TTN: variants seen among roughly 807,000 people sequenced by gnomAD.
The protein encoded by TTN is titin.
TTN carries 1,525 observed loss-of-function variants against 3,223.0 expected under a neutral mutation model. The ratio of observed to expected loss-of-function variants is 0.47; its 90% CI spans 0.45 to 0.49. The LOEUF is 0.49. TTN is among the 20% of genes least tolerant of loss of function. The probability of loss-of-function intolerance (pLI) is 0.00; values close to 1 mark genes in which losing one functional copy is unlikely to be tolerated. For missense variants in TTN, 40,786 were observed against 43,424.0 expected (o/e 0.94, Z 5.40); for synonymous variants, 14,094 against 15,161.0 (o/e 0.93, Z 5.17).
chr2:178,751,565 C>T (rs756398618), intron 47 of TTN: 3 of 1,613,208 alleles, frequency 1.9e-6, no homozygotes, highest in Non-Finnish European at 2.5e-6. Flanking sequence ...CCGTTCTGCT[C>T]TTTTCAGAAA....
chr2:178,805,547 G>A (rs1323748126), intron 1 of TTN, among the ~76,000 whole-genome samples: 1 of 152,026 alleles, frequency 6.6e-6, no homozygotes, highest in Non-Finnish European at 1.5e-5. Context: ...TTCCTGACTG[G>A]AGAAGCTTTG....
intron 62 of TTN, 72 bp downstream of exon 62, chr2:178,730,021 T>TCCCCCCCCCCCCCCCCCC: frequency 1.9e-6 from 3 of 1,558,064 alleles, no homozygotes; most frequent in Non-Finnish European, 2.6e-6. Context: ...GTCTTAAGCG[T>TCCCCCCCCCCCCCCCCCC]CCCCCGCCCC....
In TTN at chr2:178,734,993, A is replaced by T; in HGVS notation, c.14936-5T>A. On this transcript the variant is annotated splice_polypyrimidine_tract_variant and splice_region_variant and intron_variant, in intron 50 of 362. Transcript: ENST00000589042. ...TCTTCACGAAGGATGGTGGCTCTAC[A>T]TGAAGTTTACAAAAAAGAAAAAGGA... is the stretch of plus-strand genomic sequence containing the variant. The T allele has an allele frequency of 6.5e-7, 1 of 1,541,236 alleles. No individual in the cohort carries two copies. The highest frequency in any genetic ancestry group is 2.3e-5 in the East Asian group (1 of 42,730).
chr2:178,661,012 A>G (rs2064665570), intron 180 of TTN, among the ~76,000 whole-genome samples: 1 of 99,450 alleles, frequency 1.0e-5, no homozygotes, highest in African/African-American at 4.0e-5. Flanking sequence ...GATCATTAAA[A>G]AGTCAGGAAA....
In TTN at chr2:178,634,936, T is replaced by C. The variant is rs2060246230; in HGVS notation, c.42025-87A>G. 1 of 1,455,678 alleles carries C rather than the reference T, an allele frequency of 6.9e-7. No individual in the cohort carries two copies. Among genetic ancestry groups the C allele is most frequent in the Non-Finnish European group, 9.1e-7 (1 of 1,095,780 alleles). 90.2% of individuals were successfully genotyped at this position (1,455,678 alleles called of 1,614,324 possible). ...TCAGATACAAATTTCTATAGAGTTT[T>C]AAAAATTACTACTAATAAAAGTAAG... is the stretch of plus-strand genomic sequence containing the variant. On this transcript the variant is annotated intron_variant, in intron 228 of 362. Coordinates refer to ENST00000589042, the MANE Select transcript of TTN (RefSeq NM_001267550.2). The surrounding 1 kb of genome is among the most constrained non-coding windows in gnomAD (Gnocchi z 4.6).
chr2:178,689,972 C>T (rs561443935), intron 121 of TTN, 76 bp from the exon 122 acceptor site: 1 of 1,222,862 alleles, frequency 8.2e-7, no homozygotes, highest in East Asian at 2.3e-5. Context: ...ATGCACAAAT[C>T]TTTATGTAGT....
chr2:178,732,497 A>T lies in TTN; in HGVS notation c.16564T>A (p.Cys5522Ser). The change falls in exon 56 of 363, where the codon TGT (cysteine) becomes AGT (serine). Residue 5522 changes from cysteine (C) to serine (S), a missense_variant. Transcript: ENST00000589042. ...VKTSDSGTYT[C>S]KVSNVAGGVE... ...CCTCCAGCGACATTGCTGACTTTAC[A>T]TGTGTACGTGCCCGAATCAGAGGTT... 1.2e-6 allele frequency: 2 copies of T among 1,613,652 alleles called. No homozygotes were observed. Among genetic ancestry groups the T allele is most frequent in the Non-Finnish European group, 1.7e-6 (2 of 1,179,702 alleles).
At chr2:178,750,201 T>C (rs1251435779) in intron 47 of TTN, 1 of 1,613,066 alleles carries the variant, frequency 6.2e-7, no homozygotes, top group Non-Finnish European at 8.5e-7. Context: ...TGGGCGCCTT[T>C]TGCTTGGTCA....
rs1423101942 is a variant in TTN at position 178,766,367 on chromosome 2, C to A, written c.9703+14G>T. The A allele has an allele frequency of 1.3e-6, 2 of 1,579,134 alleles. No individual in the cohort carries two copies. The highest frequency in any genetic ancestry group is 2.7e-5 in the African/African-American group (2 of 74,194). On this transcript the variant is annotated intron_variant, in intron 41 of 362. Coordinates refer to ENST00000589042, the MANE Select transcript of TTN (RefSeq NM_001267550.2). ...ATGGATCCACAAAATATGCTGAAAT[C>A]TGTCCCTACATACCATTGACATAGA... is the stretch of plus-strand genomic sequence containing the variant.
chr2:178,746,803 T>C (rs1326775331), intron 47 of TTN: 1 of 1,613,332 alleles, frequency 6.2e-7, no homozygotes, highest in African/African-American at 1.3e-5. Context: ...TGAAGCCTAG[T>C]GTTGTGTTTT....
At chr2:178,713,456 G>C in intron 92 of TTN, 84 bp from the exon 93 acceptor site, 5 of 1,438,884 alleles carry the variant, frequency 3.5e-6, no homozygotes. Context: ...AGAGAGAACT[G>C]TCTTTTTGAT....
chr2:178,786,174 G>T (rs570408726), intron 13 of TTN, 33 bp from the exon 14 acceptor site: 1 of 1,609,220 alleles, frequency 6.2e-7, no homozygotes, highest in East Asian at 2.2e-5. Flanking sequence ...TAATACATAG[G>T]AATATCGAGA....
At chr2:178,695,805 T>C in intron 114 of TTN, 60 bp downstream of exon 114, 1 of 1,307,914 alleles carries the variant, frequency 7.6e-7, no homozygotes, top group African/African-American at 1.5e-5. Flanking sequence ...GCATTGAAAA[T>C]TTAATGAACT....
intron 250 of TTN, 142 bp from the exon 251 acceptor site, chr2:178,618,995 T>C: frequency 8.8e-7 from 1 of 1,139,790 alleles, no homozygotes; most frequent in Non-Finnish European, 1.2e-6. Context: ...GAAAACTAAG[T>C]GGCTTAGAGT....
intron 47 of TTN, chr2:178,749,169 G>A (rs1422883786): frequency 1.2e-6 from 2 of 1,611,722 alleles, no homozygotes; most frequent in South Asian, 1.1e-5. Flanking sequence ...GCACATTCTT[G>A]TACATTTTCC....
At chr2:178,761,211 T>G (rs1254731263) in intron 43 of TTN, among the ~76,000 whole-genome samples, 1 of 152,136 alleles carries the variant, frequency 6.6e-6, no homozygotes, top group Non-Finnish European at 1.5e-5. Flanking sequence ...AGGCCTATTG[T>G]AATAATCTCT....
At position 178,558,415 on chromosome 2, in the gene TTN, A is replaced by G; in HGVS notation, c.87044T>C (p.Val29015Ala). 6.2e-7 allele frequency: 1 copy of G among 1,613,774 alleles called. No individual in the cohort carries two copies. Among genetic ancestry groups the G allele is most frequent in the South Asian group, 1.1e-5 (1 of 91,072 alleles). The change falls in exon 327 of 363, where the codon GTG becomes GCG. Residue 29015 changes from valine to alanine, a missense_variant. By Grantham distance (64) the Val-to-Ala change is moderately conservative (BLOSUM62 0). Coordinates refer to ENST00000589042, the MANE Select transcript of TTN (RefSeq NM_001267550.2). ...LRENSEYFFR[V>A]FAENQAGLSD... ...CAGGCCAGCTTGATTTTCAGCAAAC[A>G]CTCGGAAAAAGTATTCAGAATTCTC...
Position 178,706,494 on chromosome 2 carries a change from G to C in TTN, c.29380C>G (p.Gln9794Glu), listed in dbSNP as rs1348384150. 1 of 1,613,510 alleles carries C rather than the reference G, an allele frequency of 6.2e-7. No homozygotes were observed. The highest frequency in any genetic ancestry group is 8.5e-7 in the Non-Finnish European group (1 of 1,179,718). The change falls in exon 102 of 363, where the codon CAA becomes GAA. Residue 9794 changes from glutamine (Q) to glutamate (E), a missense_variant. By Grantham distance (29) the Gln-to-Glu change is conservative. Coordinates refer to ENST00000589042, the MANE Select transcript of TTN (RefSeq NM_001267550.2). ...VNLQVDERKK[Q>E]EKIEGDLRAM... ...CTAAGATCGCCTTCAATTTTCTCTT[G>C]TTTCTTCCTTTCATCCACCTGTAAG...
At chr2:178,791,145 T>C (rs1296545498) in intron 10 of TTN, among the ~76,000 whole-genome samples, 3 of 152,156 alleles carry the variant, frequency 2.0e-5, no homozygotes, top group African/African-American at 7.2e-5. Flanking sequence ...TGGAAAACCA[T>C]AGGCCAGCTG....
Sources: allele counts gnomAD v4.1 joint callset (sites outside exome capture counted in the v4.1 genomes callset), GRCh38; gene constraint gnomAD v4.1.1; non-coding constraint Gnocchi (gnomAD v3.1); transcripts MANE v1.5; gene names NCBI Gene and HGNC (gene_info 2026-07-23, HGNC 2026-07-21).